NTM: variants seen among roughly 807,000 people sequenced by gnomAD.
The protein encoded by NTM is IgLON family member 2.
A neutral mutation model predicts 42.1 loss-of-function variants in NTM; 13 were observed. That is an observed-to-expected ratio of 0.31 (90% CI 0.20 to 0.49). The LOEUF (loss-of-function observed/expected upper bound fraction) is 0.49, where lower values mean the gene tolerates loss of function less well. NTM is among the 20% of genes least tolerant of loss of function. The pLI, the probability that NTM is intolerant of heterozygous loss-of-function variation, is 0.99. For missense variants in NTM, 373 were observed against 452.8 expected (o/e 0.82, Z 1.60); for synonymous variants, 187 against 179.2 (o/e 1.04, Z -0.35).
intron 1 of NTM, among the ~76,000 whole-genome samples, chr11:131,895,635 T>C (rs942328343): frequency 4.0e-5 from 6 of 148,900 alleles, no homozygotes; most frequent in African/African-American, 1.5e-4. Flanking sequence ...GAGTTCTAGA[T>C]TGTGAAATAT....
intron 4 of NTM, among the ~76,000 whole-genome samples, chr11:132,228,545 G>T (rs148272936): frequency 7.1e-4 from 108 of 152,310 alleles, no homozygotes; most frequent in African/African-American, 2.5e-3. Flanking sequence ...TTGATTGATA[G>T]AACATTGTAT....
intron 1 of NTM, among the ~76,000 whole-genome samples, chr11:131,891,871 T>A (rs1380880848): frequency 6.6e-6 from 1 of 152,248 alleles, no homozygotes; most frequent in Non-Finnish European, 1.5e-5. Flanking sequence ...TTCTCATTCG[T>A]CTGCTCCTGA....
chr11:132,265,905 G>T (rs1448910230), intron 4 of NTM, among the ~76,000 whole-genome samples: 1 of 152,196 alleles, frequency 6.6e-6, no homozygotes, highest in Non-Finnish European at 1.5e-5. Context: ...TGGCAGAGAT[G>T]GGATACACTG....
chr11:132,291,604 T>A (rs2094452517), intron 4 of NTM, among the ~76,000 whole-genome samples: 1 of 152,130 alleles, frequency 6.6e-6, no homozygotes, highest in Non-Finnish European at 1.5e-5. Context: ...TAAATGATAT[T>A]GCCTGGGAAA....
At position 131,396,962 on chromosome 11, in the gene NTM, C is replaced by T. The variant is rs1004250027; in HGVS notation, c.82+26074C>T. Reference sequence around the variant, plus strand: ...ACTTCTGGACTCTATATTTTTAAGACGCCATGATCTAGTAAATCCTGTGAT... The same window carrying T: ...ACTTCTGGACTCTATATTTTTAAGATGCCATGATCTAGTAAATCCTGTGAT... On this transcript the variant is annotated intron_variant, in intron 1 of 8. Transcript: ENST00000683400. Among the ~76,000 whole-genome samples, 6 of 152,172 alleles carry T rather than the reference C, an allele frequency of 3.9e-5. No homozygotes were observed. In the South Asian group the frequency reaches 1.0e-3, roughly 26 times the overall value.
intron 1 of NTM, among the ~76,000 whole-genome samples, chr11:131,432,441 AC>A (rs1287951361): frequency 2.6e-5 from 4 of 152,184 alleles, no homozygotes; most frequent in Admixed American, 6.5e-5. Flanking sequence ...TGGGGAAGAC[AC>A]CTTTGAGGAA....
chr11:131,686,653 A>C (rs1167574761), intron 1 of NTM, among the ~76,000 whole-genome samples: 1 of 152,188 alleles, frequency 6.6e-6, no homozygotes, highest in Non-Finnish European at 1.5e-5. Flanking sequence ...GGATCCGTGC[A>C]GTTCAAATCA....
intron 1 of NTM, among the ~76,000 whole-genome samples, chr11:131,372,451 T>C (rs954069520): frequency 6.6e-6 from 1 of 152,012 alleles, no homozygotes; most frequent in African/African-American, 2.4e-5. Flanking sequence ...TCAGTGTGTG[T>C]GTGTGTGCGT....
At chr11:131,798,108 G>C (rs764805761) in intron 1 of NTM, among the ~76,000 whole-genome samples, 1 of 152,184 alleles carries the variant, frequency 6.6e-6, no homozygotes, top group African/African-American at 2.4e-5. Context: ...CAAGCATGTT[G>C]ATACAAGACC....
rs760842406 is a variant in NTM, at chr11:132,062,740, G to A, written c.168-83542G>A. ...TTGGAATAGTTAGAGGAATGTGTTC[G>A]GCTCATATGACATTGATTTGTTTTG... On this transcript the variant is annotated intron_variant, in intron 2 of 8. Coordinates refer to ENST00000683400, the MANE Select transcript of NTM (RefSeq NM_001352005.2). Among the ~76,000 whole-genome samples the A allele has an allele frequency of 5.9e-5, 9 of 152,166 alleles. No individual in the cohort carries two copies. In the East Asian group the frequency reaches 1.2e-3, roughly 20 times the overall value.
intron 1 of NTM, among the ~76,000 whole-genome samples, chr11:131,566,400 C>G (rs2056885903): frequency 6.6e-6 from 1 of 150,772 alleles, no homozygotes; most frequent in South Asian, 2.1e-4. Context: ...GTACCTGCCA[C>G]TGGTGCATGT....
At position 132,081,470 on chromosome 11, in the gene NTM, C is replaced by T. The variant is rs553883599; in HGVS notation, c.168-64812C>T. ...GTGGTTGGCCAGGCACGGTGGCTCG[C>T]GCCTGTAATCCCAGCACTTTGGGAG... On this transcript the variant is annotated intron_variant, in intron 2 of 8. Coordinates refer to ENST00000683400, the MANE Select transcript of NTM (RefSeq NM_001352005.2). Among the ~76,000 whole-genome samples, 256 of 152,230 alleles carry T rather than the reference C, an allele frequency of 1.7e-3. 10 individuals are homozygous for T. The South Asian group carries it at 0.051, about 30-fold the overall frequency.
chr11:132,165,368 G>A (rs890206613), intron 3 of NTM, among the ~76,000 whole-genome samples: 2 of 152,034 alleles, frequency 1.3e-5, no homozygotes, highest in African/African-American at 4.8e-5. Context: ...ATAGATGCCC[G>A]TCACTCACGA....
intron 1 of NTM, among the ~76,000 whole-genome samples, chr11:131,623,581 G>C (rs2062791091): frequency 6.6e-6 from 1 of 152,236 alleles, no homozygotes; most frequent in Non-Finnish European, 1.5e-5. Context: ...CTAGGAGCAA[G>C]ACAGCAGTAA....
intron 2 of NTM, among the ~76,000 whole-genome samples, chr11:132,116,595 A>G (rs558901573): frequency 6.6e-6 from 1 of 152,152 alleles, no homozygotes. Context: ...TGTCCTTAAC[A>G]TCATTCAGAG....
chr11:132,327,950 G>C (rs1269784069), intron 7 of NTM, among the ~76,000 whole-genome samples: 1 of 151,776 alleles, frequency 6.6e-6, no homozygotes, highest in Non-Finnish European at 1.5e-5. Flanking sequence ...TTGAAGTCTT[G>C]GTGTGGAAAA....
chr11:132,112,125 C>A (rs1350886046), intron 2 of NTM, among the ~76,000 whole-genome samples: 2 of 152,342 alleles, frequency 1.3e-5, no homozygotes, highest in South Asian at 4.1e-4. Flanking sequence ...TCTCAAAATG[C>A]ATAGCCTTCT....
intron 1 of NTM, among the ~76,000 whole-genome samples, chr11:131,458,089 G>T (rs919739189): frequency 2.6e-5 from 4 of 152,230 alleles, no homozygotes; most frequent in African/African-American, 9.6e-5. Flanking sequence ...GGGGATGAGT[G>T]TGAGTAGAGA....
intron 2 of NTM, among the ~76,000 whole-genome samples, chr11:132,035,707 G>T (rs539372152): frequency 1.2e-4 from 18 of 152,038 alleles, no homozygotes; most frequent in Non-Finnish European, 2.5e-4. Context: ...TCCTGTGTGC[G>T]TGAGCCCCAT....
Sources: allele counts gnomAD v4.1 joint callset (sites outside exome capture counted in the v4.1 genomes callset), GRCh38; gene constraint gnomAD v4.1.1; transcripts MANE v1.5; gene names NCBI Gene and HGNC (gene_info 2026-07-23, HGNC 2026-07-21).